Variants in CDKL3 observed in about 807,000 individuals in gnomAD.
CDKL3 encodes cyclin-dependent kinase-like 3.
CDKL3 carries 65 observed loss-of-function variants against 69.3 expected under a neutral mutation model. The observed-to-expected ratio is 0.94, with a 90% CI of 0.77 to 1.15. CDKL3 has a LOEUF of 1.15. Ranked by LOEUF, CDKL3 falls within the 50% of genes most tolerant of loss-of-function variation. CDKL3 has a pLI of 0.00. For synonymous variants in CDKL3, 202 were observed against 221.6 expected (o/e 0.91, Z 0.79); for missense variants, 652 against 689.2 (o/e 0.95, Z 0.61).
chr5:134,346,427 T>G (rs1751884261), intron 4 of CDKL3, among the ~76,000 whole-genome samples: 1 of 152,216 alleles, frequency 6.6e-6, no homozygotes, highest in Admixed American at 6.5e-5. Flanking sequence ...GTCACGCTTT[T>G]CTCTTGCTAA....
intron 4 of CDKL3, among the ~76,000 whole-genome samples, chr5:134,331,225 T>C (rs1355827317): frequency 6.6e-6 from 1 of 152,162 alleles, no homozygotes; most frequent in African/African-American, 2.4e-5. Flanking sequence ...AAGATAAATG[T>C]TTTCCTCACA....
downstream of CDKL3, among the ~76,000 whole-genome samples, chr5:134,285,689 T>C (rs1764831985): frequency 6.6e-6 from 1 of 152,250 alleles, no homozygotes; most frequent in Admixed American, 6.5e-5. Flanking sequence ...TGGCTTGAAT[T>C]TCTCCTCAGA....
At chr5:134,371,080 T>A (rs1482266327), upstream of CDKL3, 3 of 216,652 alleles carry the variant, frequency 1.4e-5, no homozygotes, top group East Asian at 4.0e-4. Context: ...TAGATACTTC[T>A]CCCCCTCCCA....
chr5:134,346,971 A>G (rs748319087), intron 4 of CDKL3, among the ~76,000 whole-genome samples: 1 of 152,178 alleles, frequency 6.6e-6, no homozygotes, highest in Non-Finnish European at 1.5e-5. Flanking sequence ...GCATTTACCC[A>G]GTTTCTCTAT....
chr5:134,333,107 G>A (rs1051947747), intron 4 of CDKL3, among the ~76,000 whole-genome samples: 13 of 152,138 alleles, frequency 8.5e-5, no homozygotes, highest in African/African-American at 3.1e-4. Flanking sequence ...TCTGTTCTTG[G>A]TGTATAGAAA....
At chr5:134,332,206 T>TA (rs1213273259) in intron 4 of CDKL3, among the ~76,000 whole-genome samples, 1 of 152,224 alleles carries the variant, frequency 6.6e-6, no homozygotes. Context: ...CTTTGTCAGA[T>TA]AGATAGATTG....
intron 9 of CDKL3, among the ~76,000 whole-genome samples, chr5:134,307,769 C>T (rs1768272830): frequency 1.3e-5 from 2 of 152,256 alleles, no homozygotes; most frequent in South Asian, 4.1e-4. Flanking sequence ...TATCCTTTCT[C>T]CACTTAGAGA....
intron 4 of CDKL3, among the ~76,000 whole-genome samples, chr5:134,346,618 T>A (rs1751950814): frequency 6.6e-6 from 1 of 152,100 alleles, no homozygotes. Context: ...TGCCTCAGTC[T>A]CTCGAGTAGC....
At chr5:134,321,931 A>C (rs1430790061) in intron 4 of CDKL3, 28 bp from the exon 5 acceptor site, 9 of 1,101,040 alleles carry the variant, frequency 8.2e-6, no homozygotes, top group South Asian at 1.4e-5. Flanking sequence ...AAAAAAAATC[A>C]CTTTTTCATG....
At chr5:134,314,520 T>C (rs543295741) in intron 6 of CDKL3, among the ~76,000 whole-genome samples, 1 of 152,328 alleles carries the variant, frequency 6.6e-6, no homozygotes, top group South Asian at 2.1e-4. Context: ...ATGGCAACTT[T>C]ATTTGTAATA....
chr5:134,291,159 A>G (rs184265161), intron 8 of CDKL3, among the ~76,000 whole-genome samples: 102 of 152,290 alleles, frequency 6.7e-4, no homozygotes, highest in African/African-American at 2.3e-3. Flanking sequence ...AAGGAAGCAT[A>G]TGGAGTGAGG....
At chr5:134,339,672 C>G (rs954463644) in intron 4 of CDKL3, among the ~76,000 whole-genome samples, 38 of 151,950 alleles carry the variant, frequency 2.5e-4, no homozygotes, top group Non-Finnish European at 4.9e-4. Flanking sequence ...ATGTGCTGGA[C>G]CATAAATAAA....
At chr5:134,328,185 T>C (rs558095622) in intron 4 of CDKL3, among the ~76,000 whole-genome samples, 12 of 152,292 alleles carry the variant, frequency 7.9e-5, no homozygotes, top group Admixed American at 2.0e-4. Flanking sequence ...TAAGAGTAAC[T>C]ACATGTTGGA....
At chr5:134,367,833 TGATGTACAA>T (rs1757817710), upstream of CDKL3, among the ~76,000 whole-genome samples, 1 of 152,116 alleles carries the variant, frequency 6.6e-6, no homozygotes, top group Non-Finnish European at 1.5e-5. Context: ...ATATACGAAA[TGATGTACAA>T]GAGCACGGAA....
intron 1 of CDKL3, 114 bp from the exon 2 acceptor site, chr5:134,366,658 A>T: frequency 9.2e-6 from 2 of 218,152 alleles, no homozygotes; most frequent in Non-Finnish European, 8.2e-6. Flanking sequence ...TAGAGACATT[A>T]AAAAAAAAAA....
intron 4 of CDKL3, among the ~76,000 whole-genome samples, chr5:134,325,773 A>T (rs985891411): frequency 1.7e-4 from 25 of 151,012 alleles, no homozygotes; most frequent in Non-Finnish European, 2.5e-4. Context: ...ATTTATTATT[A>T]TTTTTTTTGA....
chr5:134,313,749 T>TGG (rs1180485501), intron 6 of CDKL3, among the ~76,000 whole-genome samples: 1 of 151,384 alleles, frequency 6.6e-6, no homozygotes, highest in Non-Finnish European at 1.5e-5. Flanking sequence ...ATGTGGGGTT[T>TGG]TTTTTTTACC....
chr5:134,354,775 C>T (rs925374796), intron 3 of CDKL3, among the ~76,000 whole-genome samples: 11 of 152,078 alleles, frequency 7.2e-5, no homozygotes, highest in Admixed American at 7.2e-4. Context: ...GGTGAAACCC[C>T]GTCTCTACTA....
At chr5:134,306,130 G>C (rs1767766989) in intron 10 of CDKL3, among the ~76,000 whole-genome samples, 1 of 152,114 alleles carries the variant, frequency 6.6e-6, no homozygotes, top group Admixed American at 6.6e-5. Context: ...TTAATTAATT[G>C]TGAAAGCACT....
Sources: gnomAD v4.1 joint callset for allele counts (sites outside exome capture counted in the v4.1 genomes callset) on GRCh38, gnomAD v4.1.1 for gene constraint, MANE v1.5 for transcripts, NCBI Gene and HGNC (gene_info 2026-07-23, HGNC 2026-07-21) for gene names.